The following MEF2A variants were observed in gnomAD, a reference collection of about 807,000 sequenced individuals.
The protein encoded by MEF2A is myocyte enhancer factor 2A.
MEF2A carries 28 observed loss-of-function variants against 55.8 expected under a neutral mutation model. That is an observed-to-expected ratio of 0.50 (90% confidence interval 0.37 to 0.69). The LOEUF (loss-of-function observed/expected upper bound fraction) is 0.69, where lower values mean the gene tolerates loss of function less well. MEF2A is among the 30% of genes least tolerant of loss of function. The probability of loss-of-function intolerance (pLI) is 0.00; values close to 1 mark genes in which losing one functional copy is unlikely to be tolerated. For synonymous variants in MEF2A, 239 were observed against 227.1 expected, an observed-to-expected ratio of 1.05 and a Z score of -0.47; for missense variants, 528 against 626.2, an observed-to-expected ratio of 0.84 and a Z score of 1.67.
intron 4 of MEF2A, chr15:99,657,581 C>T (rs2047947581): frequency 6.6e-6 from 1 of 151,934 alleles, no homozygotes. Context: ...TTCTAACCAC[C>T]CTGAATCATT....
chr15:99,568,449 G>T (rs759538758), intron 1 of MEF2A, among the ~76,000 whole-genome samples: 2 of 152,012 alleles, frequency 1.3e-5, no homozygotes, highest in Non-Finnish European at 2.9e-5. Context: ...TGCATTGTGG[G>T]TTAATATTAA....
chr15:99,650,995 C>T (rs1269029946), intron 4 of MEF2A, among the ~76,000 whole-genome samples: 1 of 152,302 alleles, frequency 6.6e-6, no homozygotes, highest in East Asian at 1.9e-4. Flanking sequence ...GCTTTTTAAA[C>T]ATTTTTATCC....
chr15:99,694,050 T>TA (rs2056000460), intron 8 of MEF2A, among the ~76,000 whole-genome samples: 1 of 152,246 alleles, frequency 6.6e-6, no homozygotes. Flanking sequence ...TACTTATTTT[T>TA]AACCTTGTGT....
intron 1 of MEF2A, among the ~76,000 whole-genome samples, chr15:99,571,184 CAAA>C (rs113527746): frequency 2.2e-5 from 3 of 134,236 alleles, no homozygotes; most frequent in African/African-American, 8.0e-5. Flanking sequence ...ACTCCATCTC[CAAA>C]AAAAAAAAAA....
intron 8 of MEF2A, among the ~76,000 whole-genome samples, chr15:99,697,422 G>A (rs552217724): frequency 6.6e-5 from 10 of 151,184 alleles, no homozygotes; most frequent in East Asian, 1.9e-4. Context: ...TATAAAAATC[G>A]ATTATATGCC....
At chr15:99,637,892 C>A (rs186937961) in intron 3 of MEF2A, among the ~76,000 whole-genome samples, 1 of 152,166 alleles carries the variant, frequency 6.6e-6, no homozygotes, top group African/African-American at 2.4e-5. Flanking sequence ...ATCTGCCCGC[C>A]TCGGCCTCCC....
At chr15:99,603,284 G>T (rs942516209) in intron 2 of MEF2A, among the ~76,000 whole-genome samples, 21 of 151,400 alleles carry the variant, frequency 1.4e-4, no homozygotes, top group Admixed American at 8.6e-4. Flanking sequence ...TTCTACTGTT[G>T]TCCAAGAACA....
chr15:99,665,282 C>T (rs1396471275), intron 4 of MEF2A, among the ~76,000 whole-genome samples: 4 of 152,080 alleles, frequency 2.6e-5, no homozygotes, highest in Admixed American at 2.6e-4. Flanking sequence ...AAGAGCCTTC[C>T]TACTACTGGA....
At chr15:99,580,357 T>C (rs912160678) in intron 1 of MEF2A, among the ~76,000 whole-genome samples, 1 of 152,140 alleles carries the variant, frequency 6.6e-6, no homozygotes, top group Non-Finnish European at 1.5e-5. Context: ...TTAGGGATAG[T>C]ATTTGAGTGC....
chr15:99,697,096 A>T (rs995631949), intron 8 of MEF2A, among the ~76,000 whole-genome samples: 5 of 152,194 alleles, frequency 3.3e-5, no homozygotes, highest in African/African-American at 7.2e-5. Flanking sequence ...AAAGGAACTT[A>T]ATAAAGAGCA....
Position 99,714,513 on chromosome 15 carries a change from AG to A in MEF2A, c.*1745del, listed in dbSNP as rs1455055052. 2.0e-5 allele frequency: 3 copies of A among 152,164 alleles called. No individual in the cohort carries two copies. The highest frequency in any genetic ancestry group is 7.2e-5 in the African/African-American group (3 of 41,418). 9.4% of individuals were successfully genotyped at this position (152,164 alleles called of 1,614,324 possible). ...TTGGTATGCGGGGAGAAACACTCTT[AG>A]GGTGCTGGTCCTTGGCATGACTCTT... is the stretch of plus-strand genomic sequence containing the variant. On this transcript the variant is annotated 3_prime_UTR_variant, in exon 12 of 12. Coordinates refer to ENST00000557942, the MANE Select transcript of MEF2A (RefSeq NM_001319206.4).
chr15:99,613,302 C>A (rs571462322), intron 2 of MEF2A, among the ~76,000 whole-genome samples: 3 of 152,110 alleles, frequency 2.0e-5, no homozygotes, highest in African/African-American at 7.2e-5. Context: ...ATCCGGTGTT[C>A]TTTTAAATTG....
exon 12 of MEF2A, chr15:99,716,480 C>CTTCCTGTGT (rs2153865046): frequency 4.4e-6 from 2 of 456,854 alleles, no homozygotes; most frequent in Non-Finnish European, 8.8e-6. Flanking sequence ...CGGACTGGCT[C>CTTCCTGTGT]TTCCTGTGCG....
At chr15:99,632,904 T>A (rs905651576) in intron 2 of MEF2A, 74 bp from the exon 3 acceptor site, 6 of 435,724 alleles carry the variant, frequency 1.4e-5, no homozygotes, top group African/African-American at 1.3e-4. Flanking sequence ...AAAAGCAAAT[T>A]TGAAATTTGT....
chr15:99,665,463 T>TA (rs2049436781), intron 4 of MEF2A, among the ~76,000 whole-genome samples: 1 of 152,030 alleles, frequency 6.6e-6, no homozygotes, highest in Non-Finnish European at 1.5e-5. Flanking sequence ...ACGTAAGACC[T>TA]AAAGCCATAA....
At chr15:99,622,116 C>G (rs1054652054) in intron 2 of MEF2A, among the ~76,000 whole-genome samples, 1 of 152,096 alleles carries the variant, frequency 6.6e-6, no homozygotes, top group Admixed American at 6.6e-5. Flanking sequence ...GTGCTAGATT[C>G]TATGATATCT....
intron 5 of MEF2A, 121 bp from the exon 6 acceptor site, chr15:99,674,272 G>A (rs950368030): frequency 2.1e-5 from 17 of 822,538 alleles, no homozygotes; most frequent in Non-Finnish European, 2.5e-5. Flanking sequence ...AATTGGTTAA[G>A]AACCTATCCC....
chr15:99,581,334 T>C (rs1965848605), intron 1 of MEF2A, among the ~76,000 whole-genome samples: 1 of 152,176 alleles, frequency 6.6e-6, no homozygotes, highest in Admixed American at 6.5e-5. Context: ...TTTGGAGTTA[T>C]CCACATGGCT....
In MEF2A at chr15:99,633,093, TA is replaced by T; in HGVS notation, c.-25del. The T allele has an allele frequency of 6.3e-7, 1 of 1,583,638 alleles. No individual in the cohort carries two copies. Among genetic ancestry groups the T allele is most frequent in the Non-Finnish European group, 8.6e-7 (1 of 1,161,144 alleles). On this transcript the variant is annotated 5_prime_UTR_variant, in exon 3 of 12. Coordinates refer to ENST00000557942, the MANE Select transcript of MEF2A (RefSeq NM_001319206.4). Reference sequence around the variant, plus strand: ...ACTTTTGAATTAAATATTTGGAATATAAGGAAATAAGGAAAGTTGACTGAAA... The same window carrying T: ...ACTTTTGAATTAAATATTTGGAATATAGGAAATAAGGAAAGTTGACTGAAA...
Sources: allele counts gnomAD v4.1 joint callset (sites outside exome capture counted in the v4.1 genomes callset), GRCh38; gene constraint gnomAD v4.1.1; transcripts MANE v1.5; gene names NCBI Gene and HGNC (gene_info 2026-07-23, HGNC 2026-07-21).